The following PAM variants were observed in gnomAD, a reference collection of about 807,000 sequenced individuals.
PAM encodes the protein peptidyl-glycine alpha-amidating monooxygenase.
A neutral mutation model predicts 122.1 loss-of-function variants in PAM; 72 were observed. That is an observed-to-expected ratio of 0.59 (90% CI 0.49 to 0.72). The LOEUF is 0.72. Among genes scored for constraint, PAM ranks in the 30% least tolerant of loss-of-function variants. The pLI is 0.00. For synonymous variants in PAM, 389 were observed against 404.4 expected (o/e 0.96, Z 0.46); for missense variants, 1,106 against 1,183.7 (o/e 0.93, Z 0.96).
chr5:102,779,226 GTA>G (rs1451975786), intron 1 of PAM, among the ~76,000 whole-genome samples: 3 of 149,946 alleles, frequency 2.0e-5, no homozygotes, highest in Admixed American at 6.7e-5. Context: ...ATATGTGTGT[GTA>G]TATATATGTG....
chr5:102,809,052 C>T (rs756048814), intron 1 of PAM, among the ~76,000 whole-genome samples: 1 of 152,178 alleles, frequency 6.6e-6, no homozygotes, highest in East Asian at 1.9e-4. Context: ...CAGTTTTTCT[C>T]TGACGGTATG....
At chr5:102,937,453 G>T (rs995785689) in intron 7 of PAM, among the ~76,000 whole-genome samples, 2 of 152,152 alleles carry the variant, frequency 1.3e-5, no homozygotes, top group Non-Finnish European at 2.9e-5. Flanking sequence ...TCAGTTAAGG[G>T]GAAGAGGTTG....
At chr5:102,825,930 G>C (rs1773478705) in intron 1 of PAM, among the ~76,000 whole-genome samples, 1 of 152,188 alleles carries the variant, frequency 6.6e-6, no homozygotes, top group Non-Finnish European at 1.5e-5. Context: ...AAACTGACTT[G>C]TGCTGTGTAA....
At chr5:103,016,386 A>T (rs2151218332) in intron 21 of PAM, among the ~76,000 whole-genome samples, 1 of 152,306 alleles carries the variant, frequency 6.6e-6, no homozygotes, top group East Asian at 1.9e-4. Flanking sequence ...CTGGATACTC[A>T]CTAGTCATAT....
At chr5:102,841,467 C>A (rs1561598418) in intron 1 of PAM, among the ~76,000 whole-genome samples, 1 of 150,804 alleles carries the variant, frequency 6.6e-6, no homozygotes, top group Non-Finnish European at 1.5e-5. Flanking sequence ...AGAACATGTG[C>A]AGTCTGCATT....
In PAM at chr5:102,805,757, A is replaced by C. The variant is rs190048933; in HGVS notation, c.-374+50409A>C. 9.8e-5 allele frequency among the ~76,000 whole-genome samples: 15 copies of C among 152,370 alleles called. No homozygotes were observed. In the East Asian group the frequency reaches 2.7e-3, roughly 27 times the overall value. On this transcript the variant is annotated intron_variant, in intron 1 of 25. Transcript: ENST00000438793. ...AATATTTAGTGAAGTCGTGGAAGGA[A>C]ATAGAACACTAACTAGTACAAGACA... is the stretch of plus-strand genomic sequence containing the variant.
intron 1 of PAM, among the ~76,000 whole-genome samples, chr5:102,779,130 G>A (rs1382126727): frequency 6.6e-6 from 1 of 151,788 alleles, no homozygotes; most frequent in East Asian, 1.9e-4. Flanking sequence ...CATAGCATAT[G>A]TTTTGCAGTG....
rs530512172 is a variant in PAM, at chr5:102,959,466, G to A, written c.906-409G>A. Among the ~76,000 whole-genome samples, 13 of 152,162 alleles carry A rather than the reference G, an allele frequency of 8.5e-5. No individual in the cohort carries two copies. In the South Asian group the frequency reaches 2.7e-3, roughly 32 times the overall value. On this transcript the variant is annotated intron_variant, in intron 12 of 25. Transcript: ENST00000438793. ...TATGATAATTATATTGAAGGTTTCT[G>A]ATTTTTACCATTGTTAAGGAAATAA...
rs902160721 is a variant in PAM at position 103,019,694 on chromosome 5, A to T, written c.2432-96A>T. The T allele has an allele frequency of 4.0e-5, 32 of 800,538 alleles. 1 individual carries two copies. Among genetic ancestry groups the T allele is most frequent in the Non-Finnish European group, 6.7e-5 (31 of 462,204 alleles). 49.6% of individuals were successfully genotyped at this position (800,538 alleles called of 1,614,324 possible). ...ATAATGCATTTGATGAATTAAGGAA[A>T]TATTTTCTACTGAGTAAAATTAATA... On this transcript the variant is annotated intron_variant, in intron 22 of 25. Transcript: ENST00000438793.
chr5:102,788,178 T>C (rs1183710944), intron 1 of PAM, among the ~76,000 whole-genome samples: 1 of 152,116 alleles, frequency 6.6e-6, no homozygotes, highest in Non-Finnish European at 1.5e-5. Flanking sequence ...TTTTCTTTTA[T>C]AATTTAACCA....
chr5:102,797,788 A>G (rs1385063884), intron 1 of PAM, among the ~76,000 whole-genome samples: 1 of 152,176 alleles, frequency 6.6e-6, no homozygotes, highest in African/African-American at 2.4e-5. Context: ...TAGAAGCCAT[A>G]TAAAGTACAT....
chr5:102,998,612 A>G (rs1776440384), intron 16 of PAM, among the ~76,000 whole-genome samples: 1 of 152,218 alleles, frequency 6.6e-6, no homozygotes, highest in African/African-American at 2.4e-5. Context: ...TGAAAATATT[A>G]TATATAGTTT....
At chr5:102,787,824 C>T (rs1047716871) in intron 1 of PAM, among the ~76,000 whole-genome samples, 17 of 151,968 alleles carry the variant, frequency 1.1e-4, no homozygotes, top group Non-Finnish European at 2.1e-4. Context: ...GTATTCATAT[C>T]TCCCATCTAT....
chr5:102,775,156 A>G (rs1209551668), intron 1 of PAM, among the ~76,000 whole-genome samples: 1 of 152,038 alleles, frequency 6.6e-6, no homozygotes, highest in Non-Finnish European at 1.5e-5. Flanking sequence ...GATTTAAAAT[A>G]CCACTTTTAT....
At chr5:102,937,732 C>T (rs1753753378) in intron 7 of PAM, among the ~76,000 whole-genome samples, 1 of 152,032 alleles carries the variant, frequency 6.6e-6, no homozygotes, top group Non-Finnish European at 1.5e-5. Context: ...TAAGGTAGTC[C>T]AGTGCTATTA....
chr5:102,977,387 C>T (rs1334880204), intron 15 of PAM, among the ~76,000 whole-genome samples: 5 of 152,120 alleles, frequency 3.3e-5, no homozygotes, highest in Admixed American at 6.6e-5. Flanking sequence ...AAGTCCTTAT[C>T]GTTCCCCAGA....
chr5:102,889,585 C>T (rs1332584351), intron 3 of PAM, among the ~76,000 whole-genome samples: 2 of 151,832 alleles, frequency 1.3e-5, no homozygotes, highest in Non-Finnish European at 2.9e-5. Flanking sequence ...TTTAATGGAA[C>T]ATTGATATCA....
chr5:102,777,300 A>G (rs1185358488), intron 1 of PAM, among the ~76,000 whole-genome samples: 2 of 152,070 alleles, frequency 1.3e-5, no homozygotes, highest in Admixed American at 6.6e-5. Context: ...TAAAATTGCA[A>G]ACATTCACTT....
intron 7 of PAM, among the ~76,000 whole-genome samples, chr5:102,942,458 G>C (rs1755584689): frequency 1.3e-5 from 2 of 151,964 alleles, no homozygotes; most frequent in Admixed American, 1.3e-4. Flanking sequence ...TGATGTCCCT[G>C]ATTCATTTTT....
Sources: allele counts gnomAD v4.1 joint callset (sites outside exome capture counted in the v4.1 genomes callset), GRCh38; gene constraint gnomAD v4.1.1; transcripts MANE v1.5; gene names NCBI Gene and HGNC (gene_info 2026-07-23, HGNC 2026-07-21).